Variants in ATAD2B observed in about 807,000 individuals in gnomAD.
ATAD2B encodes the protein ATPase family AAA domain-containing protein 2B.
Under a neutral mutation model 167.6 loss-of-function variants are expected in ATAD2B, and 40 were observed. The ratio of observed to expected loss-of-function variants is 0.24; its 90% CI spans 0.19 to 0.31. The LOEUF is 0.31. Ranked by LOEUF, ATAD2B falls within the 10% of genes least tolerant of loss-of-function variation. ATAD2B has a pLI of 1.00. For synonymous variants in ATAD2B, 579 were observed against 596.5 expected, an observed-to-expected ratio of 0.97 and a Z score of 0.43; for missense variants, 1,242 against 1,757.2, an observed-to-expected ratio of 0.71 and a Z score of 5.24.
chr2:23,890,699 T>C (rs1397572183), intron 2 of ATAD2B, among the ~76,000 whole-genome samples: 2 of 152,186 alleles, frequency 1.3e-5, no homozygotes, highest in Non-Finnish European at 2.9e-5. Flanking sequence ...TTCACATCAC[T>C]TGAATTGTTC....
rs1398668369 is a variant in ATAD2B, at chr2:23,869,658, C to T, written c.1076+5G>A. On this transcript the variant is annotated splice_donor_5th_base_variant and intron_variant, in intron 9 of 27. Coordinates refer to ENST00000238789, the MANE Select transcript of ATAD2B (RefSeq NM_017552.4). ...CATGGAAATAACATTACAAATTTTA[C>T]TAACCTATTTCTTGCTCTTGCCATG... 3.2e-6 allele frequency: 5 copies of T among 1,545,038 alleles called. No individual in the cohort carries two copies. The highest frequency in any genetic ancestry group is 3.9e-5 in the Admixed American group (2 of 51,076).
chr2:23,708,591 T>C, the ATAD2B span: 3 of 152,200 alleles, frequency 2.0e-5, no homozygotes, highest in Non-Finnish European at 4.4e-5. Context: ...ATAATAAATA[T>C]ATTTATAGAT....
At chr2:23,701,352 T>TA in the ATAD2B span, among the ~76,000 whole-genome samples, 5 of 152,232 alleles carry the variant, frequency 3.3e-5, no homozygotes, top group African/African-American at 1.2e-4. Context: ...TTCCAGGACA[T>TA]ACTCCATCCT....
the ATAD2B span, among the ~76,000 whole-genome samples, chr2:23,681,986 C>T: frequency 2.6e-5 from 4 of 152,134 alleles, no homozygotes; most frequent in Admixed American, 1.3e-4. This position sits in a 1 kb window ranked among gnomAD's most constrained non-coding sequence, Gnocchi z 4.2. Flanking sequence ...GGCCTCTATC[C>T]ACCGCCTCCT....
the ATAD2B span, chr2:23,703,089 G>A: frequency 1.3e-5 from 11 of 862,530 alleles, no homozygotes; most frequent in Admixed American, 4.0e-4. Flanking sequence ...GCCATGCTGA[G>A]GGCGAGGAGC....
At chr2:23,704,400 C>CTG in the ATAD2B span, among the ~76,000 whole-genome samples, 2 of 152,244 alleles carry the variant, frequency 1.3e-5, no homozygotes, top group African/African-American at 2.4e-5. Flanking sequence ...CTTTCTGGCC[C>CTG]TGTGGCAGCG....
chr2:23,884,571 T>A, intron 6 of ATAD2B, among the ~76,000 whole-genome samples, 194 bp downstream of exon 6: 1 of 152,200 alleles, frequency 6.6e-6, no homozygotes, highest in East Asian at 1.9e-4. Flanking sequence ...AATGTGCACT[T>A]AAAAGTATTT....
intron 12 of ATAD2B, among the ~76,000 whole-genome samples, chr2:23,862,908 TC>T (rs949018855): frequency 6.6e-6 from 1 of 152,180 alleles, no homozygotes; most frequent in Non-Finnish European, 1.5e-5. Context: ...TTATGAGCCA[TC>T]ATAAATATTC....
In ATAD2B at chr2:23,926,545, G is replaced by A. The variant is rs1183298120; in HGVS notation, c.216+10C>T. 1.9e-6 allele frequency: 3 copies of A among 1,541,930 alleles called. No individual in the cohort carries two copies. Among genetic ancestry groups the A allele is most frequent in the Non-Finnish European group, 2.6e-6 (3 of 1,146,058 alleles). ...TCCGAGCCTCCGGACTCGGGACGCCGCGCTCTTACCCTGGCCTCATCCAGA... is the reference window on the plus strand; with the variant it reads ...TCCGAGCCTCCGGACTCGGGACGCCACGCTCTTACCCTGGCCTCATCCAGA... On this transcript the variant is annotated intron_variant, in intron 1 of 27. Transcript: ENST00000238789.
intron 1 of ATAD2B, among the ~76,000 whole-genome samples, chr2:23,925,135 T>C (rs529825784): frequency 2.6e-5 from 4 of 152,334 alleles, no homozygotes; most frequent in African/African-American, 9.6e-5. Context: ...TCAAGAAGCT[T>C]GAACATGTTT....
intron 6 of ATAD2B, among the ~76,000 whole-genome samples, chr2:23,883,933 C>T (rs1698322452): frequency 6.6e-6 from 1 of 152,104 alleles, no homozygotes; most frequent in Non-Finnish European, 1.5e-5. Context: ...CACCAGAGGT[C>T]AGGAGTTCAA....
chr2:23,804,724 T>C (rs1464840979), intron 18 of ATAD2B, among the ~76,000 whole-genome samples: 11 of 151,554 alleles, frequency 7.3e-5, no homozygotes, highest in Admixed American at 7.2e-4. Flanking sequence ...CTACAATGCT[T>C]CCTAAGTGTT....
At chr2:23,870,390 G>T (rs963986248) in intron 8 of ATAD2B, among the ~76,000 whole-genome samples, 1 of 148,424 alleles carries the variant, frequency 6.7e-6, no homozygotes, top group Admixed American at 6.8e-5. Context: ...GGGCTCAAGC[G>T]ATCCTCCTGC....
At chr2:23,766,492 T>C (rs955455347) in intron 22 of ATAD2B, among the ~76,000 whole-genome samples, 27 of 152,212 alleles carry the variant, frequency 1.8e-4, no homozygotes, top group African/African-American at 1.2e-4. Context: ...TTGAAAGTTA[T>C]TATGGCTCAT....
chr2:23,872,760 T>A, intron 8 of ATAD2B: 2 of 960,782 alleles, frequency 2.1e-6, no homozygotes, highest in Admixed American at 1.7e-5. Flanking sequence ...AGGCACCAAG[T>A]CCTCACTACA....
chr2:23,736,556 A>T, the ATAD2B span, among the ~76,000 whole-genome samples: 1 of 152,308 alleles, frequency 6.6e-6, no homozygotes, highest in East Asian at 1.9e-4. Context: ...AATGCTACTT[A>T]AAAAATCAAG....
chr2:23,905,796 A>G (rs188112635), intron 1 of ATAD2B, among the ~76,000 whole-genome samples: 47 of 152,322 alleles, frequency 3.1e-4, no homozygotes, highest in African/African-American at 1.1e-3. Context: ...TTCCACAAAC[A>G]AAATTTATTA....
At chr2:23,791,257 T>G (rs1681652629) in intron 19 of ATAD2B, among the ~76,000 whole-genome samples, 1 of 152,246 alleles carries the variant, frequency 6.6e-6, no homozygotes, top group Non-Finnish European at 1.5e-5. Context: ...CATACAAATG[T>G]CTTTCTGTGA....
chr2:23,810,479 G>A lies in ATAD2B; in HGVS notation c.2291C>T (p.Ser764Phe). Residue 764 changes from serine to phenylalanine, a missense_variant, in exon 18 of 28, where the codon TCT (serine) becomes TTT (phenylalanine). Around this residue, in one of 9 missense-constraint regions of ATAD2B, gnomAD observed 145 missense variants for 181.9 expected, o/e 0.80. Coordinates refer to ENST00000238789, the MANE Select transcript of ATAD2B (RefSeq NM_017552.4). ...FTMSPYHQPT[S>F]YRPRLLLSGE... ...AGAGAGCAATAAGCGTGGCCTGTAA[G>A]AGGTTGGCTGATGATATGGTGACCT... 1.2e-6 allele frequency: 2 copies of A among 1,613,856 alleles called. No individual in the cohort carries two copies. The highest frequency in any genetic ancestry group is 1.7e-6 in the Non-Finnish European group (2 of 1,179,772).
Sources: gnomAD v4.1 joint callset for allele counts (sites outside exome capture counted in the v4.1 genomes callset) on GRCh38, gnomAD v4.1.1 for gene constraint, gnomAD v4.1.1 regional missense constraint, Gnocchi (gnomAD v3.1) non-coding constraint, MANE v1.5 for transcripts, NCBI Gene and HGNC (gene_info 2026-07-23, HGNC 2026-07-21) for gene names.